The following RABGAP1L variants were observed in gnomAD, a reference collection of about 807,000 sequenced individuals.
RABGAP1L encodes RAB GTPase activating protein 1 like, also known as rab GTPase-activating protein 1-like.
A neutral mutation model predicts 137.7 loss-of-function variants in RABGAP1L; 63 were observed. The ratio of observed to expected loss-of-function variants is 0.46; its 90% CI spans 0.37 to 0.56. RABGAP1L has a LOEUF of 0.56. RABGAP1L is among the 20% of genes least tolerant of loss of function. The pLI, the probability that RABGAP1L is intolerant of heterozygous loss-of-function variation, is 0.00. For missense variants in RABGAP1L, 1,095 were observed against 1,244.0 expected (o/e 0.88, Z 1.80); for synonymous variants, 431 against 433.7 (o/e 0.99, Z 0.08).
At chr1:174,570,271 C>T (rs952667640) in intron 13 of RABGAP1L, among the ~76,000 whole-genome samples, 4 of 152,104 alleles carry the variant, frequency 2.6e-5, no homozygotes, top group African/African-American at 9.7e-5. Context: ...AGAGGTATAA[C>T]GGTGATGCAG....
At chr1:174,202,223 T>C (rs552991998) in intron 1 of RABGAP1L, among the ~76,000 whole-genome samples, 63 of 152,148 alleles carry the variant, frequency 4.1e-4, no homozygotes, top group Admixed American at 1.7e-3. Flanking sequence ...GAGGAATCGC[T>C]ACACTGACTT....
chr1:174,403,208 A>AGAGT (rs1342365552), intron 13 of RABGAP1L, among the ~76,000 whole-genome samples: 11 of 126,730 alleles, frequency 8.7e-5, no homozygotes, highest in East Asian at 2.2e-4. Context: ...TATATATGAG[A>AGAGT]GTGTGTGTGT....
chr1:174,327,995 A>ATGTG (rs1680665847), intron 11 of RABGAP1L, among the ~76,000 whole-genome samples: 2 of 81,036 alleles, frequency 2.5e-5, no homozygotes, highest in Admixed American at 1.1e-4. Context: ...ACATATATAT[A>ATGTG]TATATATATA....
chr1:174,873,711 A>G (rs6425299), intron 19 of RABGAP1L, among the ~76,000 whole-genome samples: 149,085 of 150,376 alleles, frequency 0.99, 73,905 homozygotes, highest in South Asian at 1. Context: ...GGGTTTCACC[A>G]TATTGGCCAG....
In RABGAP1L at chr1:174,637,366, CT is replaced by C. The variant is rs1674145331; in HGVS notation, c.1711-3del. The C allele has an allele frequency of 2.5e-6, 4 of 1,578,608 alleles. No individual in the cohort carries two copies. The highest frequency in any genetic ancestry group is 3.5e-5 in the Admixed American group (2 of 57,876). On this transcript the variant is annotated splice_region_variant and splice_polypyrimidine_tract_variant and intron_variant, in intron 13 of 25. Coordinates refer to ENST00000681986, the MANE Select transcript of RABGAP1L (RefSeq NM_001366446.1). ...TTTAATAACCAGGTCTATTTTCTTT[CT>C]TTTTTAGGACTCAGCCCAGGAGAGT...
chr1:174,471,150 A>T (rs1448402120), intron 13 of RABGAP1L, among the ~76,000 whole-genome samples: 1 of 152,114 alleles, frequency 6.6e-6, no homozygotes, highest in African/African-American at 2.4e-5. Flanking sequence ...CTATTTCTAT[A>T]TTCGTGTATG....
intron 19 of RABGAP1L, among the ~76,000 whole-genome samples, chr1:174,879,208 C>T (rs1010823840): frequency 6.6e-6 from 1 of 151,478 alleles, no homozygotes; most frequent in Non-Finnish European, 1.5e-5. Flanking sequence ...TCAAGTGATT[C>T]TCCTGCTTCA....
At chr1:174,880,580 C>T (rs1036907677) in intron 19 of RABGAP1L, among the ~76,000 whole-genome samples, 2 of 139,654 alleles carry the variant, frequency 1.4e-5, no homozygotes, top group Non-Finnish European at 3.1e-5. Flanking sequence ...TCCCTCTCTT[C>T]CTTCCTCCCT....
intron 13 of RABGAP1L, among the ~76,000 whole-genome samples, chr1:174,436,476 T>G (rs554089940): frequency 6.6e-6 from 1 of 152,370 alleles, no homozygotes; most frequent in East Asian, 1.9e-4. Flanking sequence ...TCTGTTCATA[T>G]CCTTCACCCA....
At chr1:174,356,827 A>G (rs1683680227) in intron 11 of RABGAP1L, among the ~76,000 whole-genome samples, 1 of 152,210 alleles carries the variant, frequency 6.6e-6, no homozygotes, top group Non-Finnish European at 1.5e-5. Flanking sequence ...CTCAATAACA[A>G]TAATAGTAAT....
chr1:174,425,545 C>A lies in RABGAP1L; in HGVS notation c.1710+31400C>A, dbSNP rs1651848996. ...TCACAAACTTAGATTCTCATGAAAT[C>A]CCCCAAAATGTGAGGAACAAATTAG... On this transcript the variant is annotated intron_variant, in intron 13 of 25. Coordinates refer to ENST00000681986, the MANE Select transcript of RABGAP1L (RefSeq NM_001366446.1). Among the ~76,000 whole-genome samples the A allele has an allele frequency of 2.0e-5, 3 of 152,014 alleles. No individual in the cohort carries two copies. The South Asian group carries it at 6.2e-4, about 31-fold the overall frequency.
chr1:174,615,970 G>T (rs967946363), intron 13 of RABGAP1L, among the ~76,000 whole-genome samples: 1 of 152,210 alleles, frequency 6.6e-6, no homozygotes, highest in African/African-American at 2.4e-5. Context: ...GATTTTCCAG[G>T]TGCCGTCTGT....
intron 11 of RABGAP1L, among the ~76,000 whole-genome samples, chr1:174,306,003 G>C (rs1678203042): frequency 6.6e-6 from 1 of 152,120 alleles, no homozygotes; most frequent in South Asian, 2.1e-4. Flanking sequence ...CTATGAGTGA[G>C]AACATGCGGT....
At chr1:174,866,710 G>A (rs958136711) in intron 19 of RABGAP1L, among the ~76,000 whole-genome samples, 2 of 151,920 alleles carry the variant, frequency 1.3e-5, no homozygotes, top group African/African-American at 2.4e-5. Context: ...TTGTGAGTTC[G>A]AGACCAGCCT....
At chr1:174,402,730 T>C (rs1241498509) in intron 13 of RABGAP1L, among the ~76,000 whole-genome samples, 1 of 152,156 alleles carries the variant, frequency 6.6e-6, no homozygotes, top group Non-Finnish European at 1.5e-5. Flanking sequence ...GAAACGACAA[T>C]AGAAGGATCA....
rs550299334 is a variant in RABGAP1L at position 174,849,969 on chromosome 1, T to C, written c.2340+38009T>C. On this transcript the variant is annotated intron_variant, in intron 19 of 25. Transcript: ENST00000681986. ...AGGATCTTTGGAATCAACATACACA[T>C]CTTTTAGAAATGACAGCAGCTTGTC... is the stretch of plus-strand genomic sequence containing the variant. 1.5e-5 allele frequency: 11 copies of C among 726,458 alleles called. No homozygotes were observed. In the African/African-American group the frequency reaches 1.6e-4, roughly 11 times the overall value. 45.0% of individuals were successfully genotyped at this position (726,458 alleles called of 1,614,324 possible).
intron 8 of RABGAP1L, chr1:174,275,316 C>A (rs1011030920): frequency 2.0e-5 from 3 of 151,980 alleles, no homozygotes; most frequent in African/African-American, 7.2e-5. Context: ...AGAAAATAGA[C>A]AAGTGTTAAT....
intron 18 of RABGAP1L, among the ~76,000 whole-genome samples, chr1:174,797,931 T>A (rs540869079): frequency 6.6e-6 from 1 of 152,174 alleles, no homozygotes; most frequent in African/African-American, 2.4e-5. Flanking sequence ...ATCTTTACTT[T>A]GCATAGTTTT....
chr1:174,269,170 C>A (rs1034887436), intron 7 of RABGAP1L, among the ~76,000 whole-genome samples: 2 of 152,166 alleles, frequency 1.3e-5, no homozygotes, highest in Admixed American at 6.5e-5. Flanking sequence ...GTCTCAATCT[C>A]CCGACCTCGT....
Sources: allele counts gnomAD v4.1 joint callset (sites outside exome capture counted in the v4.1 genomes callset), GRCh38; gene constraint gnomAD v4.1.1; transcripts MANE v1.5; gene names NCBI Gene and HGNC (gene_info 2026-07-23, HGNC 2026-07-21).